FAT4: variants seen among roughly 807,000 people sequenced by gnomAD.
FAT4 encodes protocadherin Fat 4.
Under a neutral mutation model 303.9 loss-of-function variants are expected in FAT4, and 84 were observed. The ratio of observed to expected loss-of-function variants is 0.28; its 90% CI spans 0.23 to 0.33. The LOEUF is 0.33. Among genes scored for constraint, FAT4 ranks in the 10% least tolerant of loss-of-function variants. The pLI, the probability that FAT4 is intolerant of heterozygous loss-of-function variation, is 1.00. For synonymous variants in FAT4, 2,307 were observed against 2,298.8 expected, an observed-to-expected ratio of 1.00 and a Z score of -0.10; for missense variants, 6,005 against 6,146.8, an observed-to-expected ratio of 0.98 and a Z score of 0.77.
chr4:125,470,999 A>C (rs573862029), intron 12 of FAT4, among the ~76,000 whole-genome samples: 1 of 152,296 alleles, frequency 6.6e-6, no homozygotes, highest in East Asian at 1.9e-4. Flanking sequence ...TCACTTGAGC[A>C]CTTAGAGGCC....
intron 2 of FAT4, among the ~76,000 whole-genome samples, chr4:125,382,439 A>C (rs976646132): frequency 9.2e-5 from 14 of 152,198 alleles, no homozygotes; most frequent in Admixed American, 8.5e-4. Context: ...GTCAATGATC[A>C]GTAATATTTT....
intron 10 of FAT4, 50 bp downstream of exon 10, chr4:125,452,860 A>G (rs905242299): frequency 1.3e-6 from 2 of 1,512,714 alleles, no homozygotes; most frequent in African/African-American, 2.8e-5. Context: ...CATGTCAAGT[A>G]TATTGAAACG....
intron 2 of FAT4, among the ~76,000 whole-genome samples, chr4:125,387,261 G>A (rs770806781): frequency 4.6e-5 from 7 of 152,146 alleles, no homozygotes; most frequent in African/African-American, 7.2e-5. Flanking sequence ...TCAAAGAATA[G>A]AAATGTCTGC....
chr4:125,393,277 G>A (rs1196644355), intron 2 of FAT4, among the ~76,000 whole-genome samples: 1 of 152,120 alleles, frequency 6.6e-6, no homozygotes, highest in Non-Finnish European at 1.5e-5. Flanking sequence ...AATATGTTTA[G>A]AATTGTGGTT....
At chr4:125,463,072 G>C (rs981377899) in intron 10 of FAT4, among the ~76,000 whole-genome samples, 3 of 151,854 alleles carry the variant, frequency 2.0e-5, no homozygotes, top group African/African-American at 7.2e-5. Context: ...TTCTTATTCT[G>C]CTTTACAACA....
intron 5 of FAT4, among the ~76,000 whole-genome samples, chr4:125,410,496 A>T (rs767142722): frequency 2.6e-5 from 4 of 152,120 alleles, no homozygotes; most frequent in African/African-American, 9.7e-5. Flanking sequence ...TAGTCTACCT[A>T]TTCCATAGAT....
intron 7 of FAT4, among the ~76,000 whole-genome samples, chr4:125,431,544 C>A (rs1170929092): frequency 1.3e-5 from 2 of 152,094 alleles, no homozygotes; most frequent in Non-Finnish European, 2.9e-5. Context: ...GTTTTTTGGT[C>A]TCTAAAACAA....
intron 2 of FAT4, among the ~76,000 whole-genome samples, chr4:125,379,751 C>T (rs926400639): frequency 3.3e-5 from 5 of 151,772 alleles, no homozygotes; most frequent in South Asian, 2.1e-4. Flanking sequence ...TGAGCCACCG[C>T]GCTTGGCCAG....
intron 14 of FAT4, among the ~76,000 whole-genome samples, chr4:125,479,056 G>A (rs1429335099): frequency 1.3e-5 from 2 of 152,050 alleles, no homozygotes; most frequent in Non-Finnish European, 2.9e-5. Flanking sequence ...ATGGCAGTAC[G>A]CTTTCACTTC....
At chr4:125,350,618 C>G (rs1366201694) in intron 2 of FAT4, among the ~76,000 whole-genome samples, 1 of 151,678 alleles carries the variant, frequency 6.6e-6, no homozygotes, top group Non-Finnish European at 1.5e-5. Context: ...ATGTTCCTAT[C>G]TATAACAAGC....
Position 125,319,603 on chromosome 4 carries a change from C to T in FAT4, c.3192C>T (p.Asp1064=), listed in dbSNP as rs140899478. 2.5e-4 allele frequency: 398 copies of T among 1,613,854 alleles called. 1 individual carries two copies. The African/African-American group carries it at 4.6e-3, about 19-fold the overall frequency. The change falls in exon 2 of 18, where the codon GAC becomes GAT. Residue 1064 remains aspartate (D), a synonymous_variant. Coordinates refer to ENST00000394329, the MANE Select transcript of FAT4 (RefSeq NM_001291303.3). ...IKSELDRELQ[D]RYVLMVVASD... ...GTGAACTGGACCGTGAACTTCAAGACAGATATGTTTTAATGGTTGTTGCTT... is the reference window on the plus strand; with the variant it reads ...GTGAACTGGACCGTGAACTTCAAGATAGATATGTTTTAATGGTTGTTGCTT...
intron 13 of FAT4, among the ~76,000 whole-genome samples, 174 bp from the exon 14 acceptor site, chr4:125,476,981 A>G (rs541464756): frequency 2.6e-5 from 4 of 152,134 alleles, no homozygotes; most frequent in African/African-American, 9.6e-5. Flanking sequence ...CATAATTCGG[A>G]AGTCTAACAA....
In FAT4 at chr4:125,319,966, G is replaced by A; in HGVS notation, c.3555G>A (p.Gly1185=). 1 of 1,613,150 alleles carries A rather than the reference G, an allele frequency of 6.2e-7. No individual in the cohort carries two copies. Among genetic ancestry groups the A allele is most frequent in the African/African-American group, 1.3e-5 (1 of 75,032 alleles). ...TTACAGTCATAGCAACAGATCAGGG[G>A]ATCCCTCAGCCTCTCAAGGATCAGG... ...FSFTVIATDQ[G]IPQPLKDQAT... Residue 1185 remains glycine (G), a synonymous_variant, in exon 2 of 18, where the codon GGG becomes GGA. Transcript: ENST00000394329.
intron 2 of FAT4, among the ~76,000 whole-genome samples, chr4:125,355,831 A>G (rs1180317759): frequency 6.6e-6 from 1 of 151,846 alleles, no homozygotes; most frequent in East Asian, 1.9e-4. Flanking sequence ...TTGATTTGCA[A>G]TTTTTTAACA....
At chr4:125,489,450 A>G (rs1308541588) in intron 17 of FAT4, among the ~76,000 whole-genome samples, 2 of 152,196 alleles carry the variant, frequency 1.3e-5, no homozygotes, top group Non-Finnish European at 2.9e-5. Flanking sequence ...CCTTTGGTGT[A>G]TTATCACCTT....
rs1727701464 is a variant in FAT4, at chr4:125,492,906, A to G, written c.*1138A>G. 2.0e-5 allele frequency: 3 copies of G among 152,494 alleles called. No individual in the cohort carries two copies. The South Asian group carries it at 6.2e-4, about 32-fold the overall frequency. The allele number at this position is 152,494 out of a possible 1,614,324, so 9.4% of individuals were successfully genotyped here. Reference sequence around the variant, plus strand: ...TGCTTTCTACTTGTAAATGTCAACAATAGAATTAAAATATTTATTTAAAAT... The same window carrying G: ...TGCTTTCTACTTGTAAATGTCAACAGTAGAATTAAAATATTTATTTAAAAT... On this transcript the variant is annotated 3_prime_UTR_variant, in exon 18 of 18. Transcript: ENST00000394329.
chr4:125,417,626 A>G (rs1397062391), intron 7 of FAT4, among the ~76,000 whole-genome samples: 1 of 152,188 alleles, frequency 6.6e-6, no homozygotes, highest in Admixed American at 6.5e-5. Flanking sequence ...TATCAGTAAC[A>G]TTATGATATG....
chr4:125,343,615 C>T (rs1731884323), intron 2 of FAT4, among the ~76,000 whole-genome samples: 1 of 152,054 alleles, frequency 6.6e-6, no homozygotes, highest in South Asian at 2.1e-4. Flanking sequence ...TGACTACCTA[C>T]TATGTGAAGA....
At chr4:125,360,285 T>C (rs1391597243) in intron 2 of FAT4, among the ~76,000 whole-genome samples, 2 of 152,182 alleles carry the variant, frequency 1.3e-5, no homozygotes, top group Non-Finnish European at 2.9e-5. Context: ...GGGTTCATAT[T>C]CCACTTTCCC....
Sources: allele counts gnomAD v4.1 joint callset (sites outside exome capture counted in the v4.1 genomes callset), GRCh38; gene constraint gnomAD v4.1.1; transcripts MANE v1.5; gene names NCBI Gene and HGNC (gene_info 2026-07-23, HGNC 2026-07-21).